The following DDX10 variants were observed in gnomAD, a reference collection of about 807,000 sequenced individuals.
The protein encoded by DDX10 is probable ATP-dependent RNA helicase DDX10.
DDX10 carries 74 observed loss-of-function variants against 104.3 expected under a neutral mutation model. That is an observed-to-expected ratio of 0.71 (90% confidence interval 0.59 to 0.86). The LOEUF (loss-of-function observed/expected upper bound fraction) is 0.86. DDX10 is among the 40% of genes least tolerant of loss of function. The pLI is 0.00. For missense variants in DDX10, 952 were observed against 1,040.0 expected, an observed-to-expected ratio of 0.92 and a Z score of 1.16; for synonymous variants, 351 against 353.4, an observed-to-expected ratio of 0.99 and a Z score of 0.08.
At chr11:108,917,026 A>G (rs547729830) in intron 16 of DDX10, among the ~76,000 whole-genome samples, 1 of 151,954 alleles carries the variant, frequency 6.6e-6, no homozygotes, top group African/African-American at 2.4e-5. Context: ...AATTTAGAAG[A>G]CCCATCACTA....
chr11:108,707,599 T>C (rs2094277897), intron 10 of DDX10, among the ~76,000 whole-genome samples: 1 of 152,200 alleles, frequency 6.6e-6, no homozygotes. Context: ...TTTGTATTGA[T>C]TTTATGCAAA....
chr11:108,712,194 T>G (rs1222588814), intron 10 of DDX10, among the ~76,000 whole-genome samples: 1 of 152,246 alleles, frequency 6.6e-6, no homozygotes, highest in Non-Finnish European at 1.5e-5. Context: ...TGTCTTTATA[T>G]TGAAAGTTGG....
intron 16 of DDX10, among the ~76,000 whole-genome samples, chr11:108,863,532 T>C (rs1413105728): frequency 3.3e-5 from 5 of 152,236 alleles, no homozygotes; most frequent in Non-Finnish European, 5.9e-5. Context: ...GGAAATGATA[T>C]ATATTCTCAA....
At chr11:108,932,230 A>G (rs1170994311) in intron 17 of DDX10, among the ~76,000 whole-genome samples, 17 of 151,980 alleles carry the variant, frequency 1.1e-4, no homozygotes, top group Non-Finnish European at 1.5e-5. Context: ...GCCAACAGGT[A>G]TAGTTCGCTG....
At chr11:108,798,724 G>A (rs1048580484) in intron 13 of DDX10, among the ~76,000 whole-genome samples, 1 of 152,112 alleles carries the variant, frequency 6.6e-6, no homozygotes, top group Admixed American at 6.5e-5. Flanking sequence ...TGTATTTGGT[G>A]TCTGAGAAGG....
At chr11:108,824,647 T>G (rs985958976) in intron 13 of DDX10, among the ~76,000 whole-genome samples, 1 of 152,184 alleles carries the variant, frequency 6.6e-6, no homozygotes, top group Admixed American at 6.5e-5. Flanking sequence ...TCTAAATTGC[T>G]TCCAGCTGCT....
At chr11:108,928,125 C>G (rs893393305) in intron 17 of DDX10, among the ~76,000 whole-genome samples, 6 of 152,068 alleles carry the variant, frequency 3.9e-5, no homozygotes, top group Admixed American at 2.0e-4. Context: ...GATTACCTTC[C>G]TCTTCTGTGA....
rs753096834 is a variant in DDX10, at chr11:108,706,797, C to T, written c.1282C>T (p.Gln428Ter). Residue 428 changes from glutamine (Q) to a stop codon, truncating the protein, a stop_gained, in exon 10 of 18, where the codon CAG becomes TAG. Transcript: ENST00000322536. LOFTEE classifies it high-confidence loss of function. ...ILLPSEKAMV[Q>*]QLLQKKVPVK... The stretch of plus-strand genomic sequence containing the variant: ...GCTACCCTCAGAAAAAGCTATGGTG[C>T]AGCAGCTTCTTCAGAAGAAAGTACC... 6.2e-7 allele frequency: 1 copy of T among 1,613,866 alleles called. No homozygotes were observed. The highest frequency in any genetic ancestry group is 2.2e-5 in the East Asian group (1 of 44,878).
At chr11:108,770,894 C>A (rs1239416545) in intron 13 of DDX10, among the ~76,000 whole-genome samples, 1 of 152,032 alleles carries the variant, frequency 6.6e-6, no homozygotes, top group African/African-American at 2.4e-5. Flanking sequence ...TATGGTAGCT[C>A]TGTTTTTAGT....
chr11:108,687,072 A>C (rs1166351160), intron 6 of DDX10, among the ~76,000 whole-genome samples: 4 of 152,280 alleles, frequency 2.6e-5, no homozygotes, highest in African/African-American at 9.6e-5. Context: ...GGCATGAGTC[A>C]CTGCGCCCGG....
At chr11:108,745,039 C>T (rs572885861) in intron 13 of DDX10, among the ~76,000 whole-genome samples, 25 of 25,402 alleles carry the variant, frequency 9.8e-4, no homozygotes, top group Non-Finnish European at 2.7e-3. Flanking sequence ...TTACTTTTTC[C>T]TTCCCCCTTC....
intron 13 of DDX10, among the ~76,000 whole-genome samples, chr11:108,807,443 G>A (rs1006518273): frequency 1.3e-5 from 2 of 152,110 alleles, no homozygotes; most frequent in African/African-American, 2.4e-5. Context: ...TACTCTTTTT[G>A]TATTGGTTAA....
At chr11:108,933,480 A>G (rs1864000076) in intron 17 of DDX10, among the ~76,000 whole-genome samples, 1 of 152,200 alleles carries the variant, frequency 6.6e-6, no homozygotes, top group African/African-American at 2.4e-5. Context: ...ACACATTTTT[A>G]AAAGGATAAT....
At chr11:108,787,090 T>G (rs1197057422) in intron 13 of DDX10, among the ~76,000 whole-genome samples, 1 of 152,212 alleles carries the variant, frequency 6.6e-6, no homozygotes, top group Non-Finnish European at 1.5e-5. Context: ...TTATTTTGCC[T>G]TCACTTACAA....
chr11:108,848,226 T>G (rs2134602153), intron 15 of DDX10, among the ~76,000 whole-genome samples: 1 of 152,324 alleles, frequency 6.6e-6, no homozygotes, highest in East Asian at 1.9e-4. Context: ...GAATGTTCAT[T>G]GCATAGCTAG....
intron 16 of DDX10, among the ~76,000 whole-genome samples, chr11:108,869,132 T>TA (rs1380083817): frequency 2.0e-5 from 3 of 152,008 alleles, no homozygotes; most frequent in African/African-American, 7.2e-5. Flanking sequence ...CTTGATGAAT[T>TA]TACTTGTATA....
intron 6 of DDX10, among the ~76,000 whole-genome samples, chr11:108,686,962 C>T (rs1202840230): frequency 6.6e-6 from 1 of 151,888 alleles, no homozygotes; most frequent in Non-Finnish European, 1.5e-5. Flanking sequence ...TTTTTTTGTA[C>T]TTTTAGTAGA....
chr11:108,712,012 T>G (rs1164539802), intron 10 of DDX10, among the ~76,000 whole-genome samples: 1 of 152,244 alleles, frequency 6.6e-6, no homozygotes, highest in Non-Finnish European at 1.5e-5. Context: ...ACGTTAAGGA[T>G]TGTTGCCTTT....
intron 9 of DDX10, among the ~76,000 whole-genome samples, chr11:108,705,621 T>C (rs1254195013): frequency 6.6e-6 from 1 of 152,260 alleles, no homozygotes; most frequent in African/African-American, 2.4e-5. Context: ...TTATGTTCTT[T>C]ACAGTTCATG....
Sources: allele counts gnomAD v4.1 joint callset (sites outside exome capture counted in the v4.1 genomes callset), GRCh38; gene constraint gnomAD v4.1.1; transcripts MANE v1.5; gene names NCBI Gene and HGNC (gene_info 2026-07-23, HGNC 2026-07-21).